UBR3: variants seen among roughly 807,000 people sequenced by gnomAD.
UBR3 encodes the protein ubiquitin protein ligase E3 component n-recognin 3.
UBR3 carries 85 observed loss-of-function variants against 243.2 expected under a neutral mutation model. That is an observed-to-expected ratio of 0.35 (90% CI 0.29 to 0.42). The LOEUF (loss-of-function observed/expected upper bound fraction) is 0.42. UBR3 is among the 10% of genes least tolerant of loss of function. The pLI, the probability that UBR3 is intolerant of heterozygous loss-of-function variation, is 1.00. For missense variants in UBR3, 1,686 were observed against 2,300.8 expected (o/e 0.73, Z 5.47); for synonymous variants, 748 against 799.8 (o/e 0.94, Z 1.09).
At chr2:170,054,480 C>T (rs1399268549) in intron 32 of UBR3, among the ~76,000 whole-genome samples, 1 of 152,056 alleles carries the variant, frequency 6.6e-6, no homozygotes, top group African/African-American at 2.4e-5. Context: ...GACAGGGTTT[C>T]ACTATGTTGG....
intron 30 of UBR3, among the ~76,000 whole-genome samples, chr2:170,016,512 C>T (rs927078900): frequency 4.6e-5 from 7 of 151,646 alleles, no homozygotes; most frequent in Admixed American, 2.6e-4. Flanking sequence ...GTTTTAGTTT[C>T]TAATCTGTTT....
At chr2:170,039,121 C>T (rs2090902242) in intron 31 of UBR3, among the ~76,000 whole-genome samples, 1 of 152,046 alleles carries the variant, frequency 6.6e-6, no homozygotes, top group African/African-American at 2.4e-5. Flanking sequence ...TGAGGAATAA[C>T]AGTTTGTTAG....
At chr2:170,040,837 A>C (rs1200340055) in intron 31 of UBR3, 45 bp from the exon 32 acceptor site, 12 of 1,386,196 alleles carry the variant, frequency 8.7e-6, no homozygotes, top group Non-Finnish European at 1.1e-5. Flanking sequence ...AATTAGAAAG[A>C]GAAGATATAC....
chr2:169,972,744 A>C (rs1234976146), intron 24 of UBR3, among the ~76,000 whole-genome samples: 4 of 151,978 alleles, frequency 2.6e-5, no homozygotes, highest in African/African-American at 9.7e-5. Context: ...TCAATAAATT[A>C]GGTATTGATG....
intron 23 of UBR3, among the ~76,000 whole-genome samples, chr2:169,951,728 A>T (rs892210992): frequency 2.0e-5 from 3 of 152,046 alleles, no homozygotes; most frequent in Non-Finnish European, 2.9e-5. Context: ...TGGGAGAGCA[A>T]GCTACTTAGT....
In UBR3 at chr2:169,949,912, G is replaced by A. The variant is rs1574267851; in HGVS notation, c.3392G>A (p.Gly1131Asp). The change falls in exon 23 of 39, where the codon GGT becomes GAT. Residue 1131 changes from glycine (G) to aspartate (D), a missense_variant. Physicochemically the swap from Gly to Asp is moderately conservative, Grantham distance 94. This residue lies in a region of UBR3 where 300 missense variants were observed against 314.4 expected (regional missense o/e 0.95). Transcript: ENST00000272793. ...ATTCCTAAATACAGTCATGGAGATG[G>A]TATAACTGCCGTGGAAAGAATTTTA... ...PEIPKYSHGDGITAVERILLK... is the reference protein window; with the variant it reads ...PEIPKYSHGDDITAVERILLK... 6.2e-7 allele frequency: 1 copy of A among 1,613,226 alleles called. No individual in the cohort carries two copies.
rs555759668 is a variant in UBR3, at chr2:169,904,090, C to G, written c.1466-1024C>G. Among the ~76,000 whole-genome samples, 38 of 152,200 alleles carry G rather than the reference C, an allele frequency of 2.5e-4. 1 individual carries two copies. Among genetic ancestry groups the G allele is most frequent in the African/African-American group, 8.4e-4 (35 of 41,538 alleles). On this transcript the variant is annotated intron_variant, in intron 8 of 38. Coordinates refer to ENST00000272793, the MANE Select transcript of UBR3 (RefSeq NM_172070.4). ...TAAAGCAATCTGAGTGTAAAATATA[C>G]TTAGGCTTTTATGATTTTTCTGTCC...
At chr2:169,934,275 C>G (rs1300388507) in intron 19 of UBR3, among the ~76,000 whole-genome samples, 1 of 152,098 alleles carries the variant, frequency 6.6e-6, no homozygotes, top group African/African-American at 2.4e-5. Context: ...TCTTAAATGG[C>G]TCTGCCTTTT....
intron 24 of UBR3, among the ~76,000 whole-genome samples, chr2:169,970,164 A>C (rs2088043427): frequency 6.7e-6 from 1 of 149,432 alleles, no homozygotes; most frequent in Non-Finnish European, 1.5e-5. Context: ...TGATGACTTC[A>C]ATTTCTTTCA....
intron 1 of UBR3, among the ~76,000 whole-genome samples, chr2:169,860,833 A>C (rs568927070): frequency 6.6e-6 from 1 of 152,294 alleles, no homozygotes; most frequent in Admixed American, 6.5e-5. Context: ...GTCATCTGCA[A>C]GTTGAGGAGC....
intron 13 of UBR3, 70 bp from the exon 14 acceptor site, chr2:169,925,549 T>C: frequency 7.5e-7 from 1 of 1,334,354 alleles, no homozygotes; most frequent in South Asian, 1.5e-5. Flanking sequence ...TATTTTGAAA[T>C]GGTTATTTAT....
At chr2:170,061,590 C>G in intron 35 of UBR3, 147 bp downstream of exon 35, 1 of 940,970 alleles carries the variant, frequency 1.1e-6, no homozygotes, top group East Asian at 2.6e-5. Context: ...CCCTCAGCCC[C>G]TCTAGTAACT....
chr2:169,986,816 C>G, intron 25 of UBR3, 22 bp downstream of exon 25: 1 of 1,612,486 alleles, frequency 6.2e-7, no homozygotes, highest in Non-Finnish European at 8.5e-7. Context: ...GTAATTTTTT[C>G]ATGGGAACAT....
intron 5 of UBR3, among the ~76,000 whole-genome samples, chr2:169,884,557 G>T (rs1370683983): frequency 1.3e-5 from 2 of 152,182 alleles, no homozygotes; most frequent in African/African-American, 4.8e-5. Flanking sequence ...TACTAATGAG[G>T]CTATGAAACT....
intron 1 of UBR3, among the ~76,000 whole-genome samples, chr2:169,857,407 T>G (rs2082924213): frequency 6.6e-6 from 1 of 151,860 alleles, no homozygotes; most frequent in African/African-American, 2.4e-5. Context: ...AATGTCAGTT[T>G]TCTTAAATTT....
chr2:169,926,601 A>T, intron 14 of UBR3, 91 bp from the exon 15 acceptor site: 1 of 1,366,798 alleles, frequency 7.3e-7, no homozygotes, highest in Non-Finnish European at 9.9e-7. Flanking sequence ...AAAACAAAAA[A>T]CAAAAAACAA....
chr2:169,933,880 T>TAACAACAACAACAAC (rs67099094), intron 19 of UBR3, among the ~76,000 whole-genome samples: 1 of 151,268 alleles, frequency 6.6e-6, no homozygotes, highest in Non-Finnish European at 1.5e-5. Context: ...TTTAAATCAA[T>TAACAACAACAACAAC]AACAACAACA....
intron 1 of UBR3, among the ~76,000 whole-genome samples, chr2:169,852,916 G>T (rs2082713974): frequency 6.9e-6 from 1 of 144,800 alleles, no homozygotes; most frequent in Non-Finnish European, 1.5e-5. Context: ...GAGAGCCATA[G>T]GTTTTTATGG....
At chr2:169,892,869 A>G (rs2084428164) in intron 6 of UBR3, among the ~76,000 whole-genome samples, 1 of 152,204 alleles carries the variant, frequency 6.6e-6, no homozygotes, top group Non-Finnish European at 1.5e-5. Context: ...GGCTTTAACT[A>G]TATGGCCAAG....
Sources: allele counts gnomAD v4.1 joint callset (sites outside exome capture counted in the v4.1 genomes callset), GRCh38; gene constraint gnomAD v4.1.1; regional missense constraint gnomAD v4.1.1; transcripts MANE v1.5; gene names NCBI Gene and HGNC (gene_info 2026-07-23, HGNC 2026-07-21).